PLA2G5: variants seen among roughly 807,000 people sequenced by gnomAD.
PLA2G5 encodes the protein Ca2+-dependent phospholipase A2.
PLA2G5 carries 12 observed loss-of-function variants against 15.9 expected under a neutral mutation model. The ratio of observed to expected loss-of-function variants is 0.76; its 90% confidence interval spans 0.48 to 1.23. The LOEUF is 1.23. Among genes scored for constraint, PLA2G5 ranks in the 50% most tolerant of loss-of-function variants. The probability of loss-of-function intolerance (pLI) is 0.00; values close to 1 mark genes in which losing one functional copy is unlikely to be tolerated. For missense variants in PLA2G5, 169 were observed against 177.1 expected, an observed-to-expected ratio of 0.95 and a Z score of 0.26; for synonymous variants, 71 against 71.4, an observed-to-expected ratio of 0.99 and a Z score of 0.03.
intron 3 of PLA2G5, among the ~76,000 whole-genome samples, chr1:20,087,746 A>G (rs11573272): frequency 0.33 from 50,018 of 151,928 alleles, 9,160 homozygotes; most frequent in Middle Eastern, 0.43. Flanking sequence ...CAGGAAATAT[A>G]CGAGATGAGC....
intron 1 of PLA2G5, chr1:20,046,221 C>T (rs2013894595): frequency 2.0e-5 from 3 of 152,188 alleles, no homozygotes; most frequent in African/African-American, 7.2e-5. Context: ...CATTAGAGTG[C>T]TCAGCGATCA....
At chr1:20,078,541 GATCTGTTTCCCACCAGCC>G (rs2015823272) in intron 1 of PLA2G5, among the ~76,000 whole-genome samples, 1 of 152,036 alleles carries the variant, frequency 6.6e-6, no homozygotes, top group Non-Finnish European at 1.5e-5. Flanking sequence ...CTGTCTTCAC[GATCTGTTTCCCACCAGCC>G]ACAAGGGCAG....
chr1:20,032,702 G>C (rs935603599), intron 1 of PLA2G5, among the ~76,000 whole-genome samples: 2 of 152,212 alleles, frequency 1.3e-5, no homozygotes, highest in Admixed American at 1.3e-4. Flanking sequence ...ACTTGGGCAA[G>C]ACAATTTTAT....
chr1:20,052,649 C>A lies in PLA2G5; in HGVS notation n.277-6983C>A, dbSNP rs145760081. Among the ~76,000 whole-genome samples the A allele has an allele frequency of 1.5e-3, 222 of 152,244 alleles. 1 individual carries two copies. The highest frequency in any genetic ancestry group is 5.0e-3 in the African/African-American group (206 of 41,550). On this transcript the variant is annotated intron_variant and non_coding_transcript_variant, in intron 1 of 6. Coordinates refer to the PLA2G5 transcript ENST00000460175. ...ATCCAGGAATCCATGAGTAATCAGA[C>A]AAAACCTGAGACTAGAGACTCATTT...
Position 20,090,575 on chromosome 1 carries a change from G to A in PLA2G5, c.300G>A (p.Gly100=). 2 of 1,614,058 alleles carry A rather than the reference G, an allele frequency of 1.2e-6. No homozygotes were observed. Among genetic ancestry groups the A allele is most frequent in the South Asian group, 1.1e-5 (1 of 91,056 alleles). Residue 100 remains glycine (G), a synonymous_variant, in exon 5 of 5, where the codon GGG becomes GGA. Transcript: ENST00000375108. ...FAWGVVTCEP[G]PFCHVNLCAC... ...CTTGGTGTCCTTTTGCAGAGCCCGG[G>A]CCCTTCTGCCATGTGAACCTCTGTG... is the stretch of plus-strand genomic sequence containing the variant.
chr1:20,031,837 A>C (rs187034457), intron 1 of PLA2G5, among the ~76,000 whole-genome samples: 1 of 152,304 alleles, frequency 6.6e-6, no homozygotes, highest in Non-Finnish European at 1.5e-5. Context: ...TCTGTGATCC[A>C]GACCCAGTCC....
At chr1:20,062,207 AGGT>A (rs1262579824) in intron 2 of PLA2G5, among the ~76,000 whole-genome samples, 4 of 152,210 alleles carry the variant, frequency 2.6e-5, no homozygotes, top group African/African-American at 9.6e-5. Flanking sequence ...ACCCAGTCTT[AGGT>A]ATTTCCTTAT....
intron 1 of PLA2G5, among the ~76,000 whole-genome samples, chr1:20,075,453 T>G (rs1308033619): frequency 6.6e-6 from 1 of 152,192 alleles, no homozygotes; most frequent in Admixed American, 6.5e-5. Flanking sequence ...ACATCTACCG[T>G]GTATCAACTC....
intron 1 of PLA2G5, chr1:20,046,231 A>G (rs1348257300): frequency 6.6e-6 from 1 of 152,184 alleles, no homozygotes; most frequent in Non-Finnish European, 1.5e-5. Flanking sequence ...CTCAGCGATC[A>G]TATTGTTGGT....
intron 1 of PLA2G5, among the ~76,000 whole-genome samples, chr1:20,036,831 A>G (rs2013276703): frequency 6.6e-6 from 1 of 150,808 alleles, no homozygotes; most frequent in Admixed American, 6.6e-5. Flanking sequence ...ACACCTGGCC[A>G]ATTTTGTATT....
upstream of PLA2G5, among the ~76,000 whole-genome samples, chr1:20,069,768 T>C (rs1233134119): frequency 6.6e-6 from 1 of 152,060 alleles, no homozygotes; most frequent in South Asian, 2.1e-4. Flanking sequence ...GCCACAACAA[T>C]TAGATGCAAT....
At chr1:20,054,664 G>T (rs2014348101) in intron 1 of PLA2G5, 2 of 151,812 alleles carry the variant, frequency 1.3e-5, no homozygotes, top group Admixed American at 6.6e-5. Context: ...GTCCTCCATT[G>T]TTGGGATGTA....
chr1:20,051,272 A>C (rs954367532), intron 1 of PLA2G5, among the ~76,000 whole-genome samples: 1 of 152,208 alleles, frequency 6.6e-6, no homozygotes, highest in African/African-American at 2.4e-5. Flanking sequence ...GGTGCTCTTA[A>C]ATACAAGTTT....
At chr1:20,070,067 C>A (rs114009699), upstream of PLA2G5, 1 of 336,706 alleles carries the variant, frequency 3.0e-6, no homozygotes, top group Non-Finnish European at 4.2e-6. Context: ...TGGCTAAAGC[C>A]GTGACCTGGA....
At chr1:20,061,705 C>G (rs1349569433) in intron 2 of PLA2G5, among the ~76,000 whole-genome samples, 1 of 152,176 alleles carries the variant, frequency 6.6e-6, no homozygotes, top group Non-Finnish European at 1.5e-5. Context: ...CTCCAAAGGC[C>G]TTCCCCTGTG....
intron 1 of PLA2G5, among the ~76,000 whole-genome samples, chr1:20,032,150 A>C (rs992561640): frequency 3.3e-5 from 5 of 152,212 alleles, no homozygotes; most frequent in Non-Finnish European, 4.4e-5. Flanking sequence ...TTGTTTTAAA[A>C]GGGCAATGGC....
chr1:20,056,256 G>T (rs1294772971), intron 1 of PLA2G5, among the ~76,000 whole-genome samples: 1 of 151,698 alleles, frequency 6.6e-6, no homozygotes, highest in Non-Finnish European at 1.5e-5. Context: ...TCCTTCTAAA[G>T]ATCCACTCAG....
intron 1 of PLA2G5, among the ~76,000 whole-genome samples, chr1:20,053,577 G>GGT (rs1250851915): frequency 7.0e-6 from 1 of 143,064 alleles, no homozygotes; most frequent in Non-Finnish European, 1.5e-5. Context: ...TTGCGGGGGG[G>GGT]GGGGTGATAT....
chr1:20,082,711 A>C (rs2016096019), intron 1 of PLA2G5, among the ~76,000 whole-genome samples: 1 of 151,874 alleles, frequency 6.6e-6, no homozygotes, highest in Non-Finnish European at 1.5e-5. Flanking sequence ...CTCACAGAGG[A>C]GCCATCTGAG....
Sources: gnomAD v4.1 joint callset for allele counts (sites outside exome capture counted in the v4.1 genomes callset) on GRCh38, gnomAD v4.1.1 for gene constraint, MANE v1.5 for transcripts, NCBI Gene and HGNC (gene_info 2026-07-23, HGNC 2026-07-21) for gene names.